FHOD3: variants seen among roughly 807,000 people sequenced by gnomAD.
FHOD3 encodes the protein FH1/FH2 domain-containing protein 3.
In FHOD3, 90 loss-of-function variants were observed where a neutral mutation model predicts 173.0. That is an observed-to-expected ratio of 0.52 (90% confidence interval 0.44 to 0.62). The LOEUF (loss-of-function observed/expected upper bound fraction) is 0.62. Ranked by LOEUF, FHOD3 falls within the 20% of genes least tolerant of loss-of-function variation. The pLI is 0.00. For synonymous variants in FHOD3, 828 were observed against 823.0 expected, an observed-to-expected ratio of 1.01 and a Z score of -0.10; for missense variants, 1,945 against 2,034.7, an observed-to-expected ratio of 0.96 and a Z score of 0.85.
chr18:36,392,628 C>T (rs1465498621), intron 3 of FHOD3, among the ~76,000 whole-genome samples: 16 of 152,202 alleles, frequency 1.1e-4, no homozygotes, highest in Admixed American at 9.8e-4. Flanking sequence ...CATGGCAAGA[C>T]TGTGTAGAGT....
intron 14 of FHOD3, among the ~76,000 whole-genome samples, chr18:36,670,368 T>G (rs1167821409): frequency 6.6e-6 from 1 of 152,148 alleles, no homozygotes; most frequent in Non-Finnish European, 1.5e-5. Context: ...ATAGCATGTA[T>G]ATTGGGTCAT....
At chr18:36,754,925 C>G (rs910752103) in intron 24 of FHOD3, among the ~76,000 whole-genome samples, 194 bp from the exon 25 acceptor site, 15 of 150,658 alleles carry the variant, frequency 1.0e-4, no homozygotes, top group African/African-American at 3.6e-4. Flanking sequence ...ATTCAAAGCC[C>G]CAGGAATGAA....
At chr18:36,376,302 C>G (rs1013138477) in intron 3 of FHOD3, among the ~76,000 whole-genome samples, 5 of 152,138 alleles carry the variant, frequency 3.3e-5, no homozygotes, top group Non-Finnish European at 7.4e-5. Flanking sequence ...GGGCTAAAAA[C>G]CCCTGGGCTT....
At chr18:36,551,856 G>A (rs576800052) in intron 5 of FHOD3, among the ~76,000 whole-genome samples, 13 of 152,114 alleles carry the variant, frequency 8.5e-5, no homozygotes, top group South Asian at 8.3e-4. Context: ...ATTGATCTAT[G>A]TCTCTGTTTT....
At chr18:36,745,444 C>T (rs2042104419) in intron 23 of FHOD3, among the ~76,000 whole-genome samples, 1 of 152,200 alleles carries the variant, frequency 6.6e-6, no homozygotes, top group Admixed American at 6.5e-5. Flanking sequence ...CCAGTACATA[C>T]GGTGTCTTGC....
intron 5 of FHOD3, among the ~76,000 whole-genome samples, chr18:36,529,546 C>T (rs760957445): frequency 5.9e-4 from 90 of 151,856 alleles, no homozygotes; most frequent in Non-Finnish European, 1.2e-3. Context: ...GGGCTGGGCA[C>T]GGTGGCTCAC....
intron 25 of FHOD3, among the ~76,000 whole-genome samples, chr18:36,756,716 C>T (rs2042648592): frequency 1.3e-5 from 2 of 152,164 alleles, no homozygotes; most frequent in African/African-American, 2.4e-5. Flanking sequence ...TTTCTCTTAC[C>T]ATCCACCTTT....
chr18:36,606,853 A>G (rs1279143969), intron 8 of FHOD3, among the ~76,000 whole-genome samples: 1 of 152,238 alleles, frequency 6.6e-6, no homozygotes, highest in Non-Finnish European at 1.5e-5. Context: ...CCAAAGCCCA[A>G]GAGAGGAAAA....
rs1475786001 is a variant in FHOD3, at chr18:36,420,085, T to C, written c.337+47341T>C. 5.9e-5 allele frequency among the ~76,000 whole-genome samples: 9 copies of C among 152,344 alleles called. No individual in the cohort carries two copies. The East Asian group carries it at 1.5e-3, about 26-fold the overall frequency. On this transcript the variant is annotated intron_variant, in intron 3 of 28. Transcript: ENST00000590592. ...GACTCAGTGTTTTATGAAGCTGAGC[T>C]TCTCTTGGAATGCGGAGCCTGGAAA...
At position 36,775,947 on chromosome 18, in the gene FHOD3, G is replaced by A. The variant is rs1292139789; in HGVS notation, c.4787-3501G>A. 3.9e-5 allele frequency among the ~76,000 whole-genome samples: 6 copies of A among 152,290 alleles called. No homozygotes were observed. In the South Asian group the frequency reaches 6.2e-4, roughly 16 times the overall value. On this transcript the variant is annotated intron_variant, in intron 28 of 28. Transcript: ENST00000590592. The stretch of plus-strand genomic sequence containing the variant: ...ATGAGCTTTGAGGGGAGGCCGTCCC[G>A]TGGGAAAGGCTGGAGAGCAGCTTTG...
At chr18:36,693,083 C>T in intron 16 of FHOD3, 126 bp from the exon 17 acceptor site, 3 of 922,902 alleles carry the variant, frequency 3.3e-6, no homozygotes, top group Non-Finnish European at 4.9e-6. Context: ...GACTCTCCAG[C>T]CAGCCCTGCA....
intron 19 of FHOD3, among the ~76,000 whole-genome samples, chr18:36,728,541 C>T (rs1180961688): frequency 1.3e-5 from 2 of 151,878 alleles, no homozygotes; most frequent in Non-Finnish European, 2.9e-5. Context: ...ATTGCCCCTC[C>T]TGATCACCAG....
intron 20 of FHOD3, among the ~76,000 whole-genome samples, chr18:36,736,275 AG>A (rs2041626308): frequency 6.6e-6 from 1 of 152,256 alleles, no homozygotes; most frequent in South Asian, 2.1e-4. Flanking sequence ...GTGCACTGTT[AG>A]CTTTGCCATC....
chr18:36,427,444 A>G (rs2050312110), intron 3 of FHOD3, among the ~76,000 whole-genome samples: 1 of 152,126 alleles, frequency 6.6e-6, no homozygotes, highest in South Asian at 2.1e-4. Context: ...GTGTTTTCAT[A>G]TAATAACATA....
intron 15 of FHOD3, among the ~76,000 whole-genome samples, chr18:36,686,073 G>A (rs624603): frequency 0.49 from 74,489 of 151,684 alleles, 18,448 homozygotes; most frequent in East Asian, 0.65. Context: ...AACCAGAAAT[G>A]CCATTTGACC....
chr18:36,458,397 A>T (rs1016545776), intron 3 of FHOD3, among the ~76,000 whole-genome samples: 2 of 151,586 alleles, frequency 1.3e-5, no homozygotes, highest in African/African-American at 4.9e-5. Context: ...GTTATTAAAA[A>T]ACTTTTTTGG....
intron 10 of FHOD3, among the ~76,000 whole-genome samples, chr18:36,641,629 T>C (rs2035313094): frequency 6.6e-6 from 1 of 152,112 alleles, no homozygotes; most frequent in African/African-American, 2.4e-5. Flanking sequence ...GTTTAGCCAC[T>C]GCACCCCAGC....
chr18:36,397,662 C>T (rs2048616532), intron 3 of FHOD3, among the ~76,000 whole-genome samples: 1 of 152,040 alleles, frequency 6.6e-6, no homozygotes, highest in Non-Finnish European at 1.5e-5. Context: ...AGATAATTTC[C>T]TAAAAATGGT....
rs1161055612 is a variant in FHOD3 at position 36,718,036 on chromosome 18, A to G, written c.2738A>G (p.Gln913Arg). Reference protein sequence around the residue: ...ASLATRISTLQANSQTQDESV... With the variant: ...ASLATRISTLRANSQTQDESV... ...CTTGCTACCAGGATATCCACCCTGCAGGCCAACTCTCAGACCCAGGATGAG... is the reference window on the plus strand; with the variant it reads ...CTTGCTACCAGGATATCCACCCTGCGGGCCAACTCTCAGACCCAGGATGAG... Residue 913 changes from glutamine to arginine, a missense_variant, in exon 19 of 29, where the codon CAG (glutamine) becomes CGG (arginine). Physicochemically the swap from Gln to Arg is conservative, Grantham distance 43. This residue lies in a region of FHOD3 where 1,099 missense variants were observed against 1,051.2 expected (regional missense o/e 1.05). Coordinates refer to ENST00000590592, the MANE Select transcript of FHOD3 (RefSeq NM_001281740.3). The G allele has an allele frequency of 6.2e-7, 1 of 1,604,854 alleles. No homozygotes were observed. Among genetic ancestry groups the G allele is most frequent in the Admixed American group, 1.7e-5 (1 of 59,336 alleles).
Sources: gnomAD v4.1 joint callset for allele counts (sites outside exome capture counted in the v4.1 genomes callset) on GRCh38, gnomAD v4.1.1 for gene constraint, gnomAD v4.1.1 regional missense constraint, MANE v1.5 for transcripts, NCBI Gene and HGNC (gene_info 2026-07-23, HGNC 2026-07-21) for gene names.